The following SKP1 variants were observed in gnomAD, a reference collection of about 807,000 sequenced individuals.
The protein encoded by SKP1 is S-phase kinase-associated protein 1.
A neutral mutation model predicts 21.5 loss-of-function variants in SKP1; 1 was observed. That is an observed-to-expected ratio of 0.05 (90% CI 0.02 to 0.22). The LOEUF is 0.22. Ranked by LOEUF, SKP1 falls within the 10% of genes least tolerant of loss-of-function variation. SKP1 has a pLI of 1.00. For missense variants in SKP1, 70 were observed against 192.0 expected (o/e 0.36, Z 3.76); for synonymous variants, 59 against 59.3 (o/e 0.99, Z 0.03).
At chr5:134,158,434 A>G in intron 5 of SKP1, 21 bp downstream of exon 5, 3 of 1,614,020 alleles carry the variant, frequency 1.9e-6, no homozygotes, top group Non-Finnish European at 2.5e-6. Context: ...GTGATCAAAG[A>G]CAAAACTGTG....
chr5:134,167,126 T>G, intron 3 of SKP1, 44 bp downstream of exon 3: 1 of 947,258 alleles, frequency 1.1e-6, no homozygotes, highest in Non-Finnish European at 1.7e-6. Context: ...TCAATTGGTG[T>G]TATATATTAA....
intron 3 of SKP1, among the ~76,000 whole-genome samples, chr5:134,162,572 A>T (rs1305764400): frequency 1.3e-5 from 2 of 151,140 alleles, no homozygotes; most frequent in Admixed American, 6.6e-5. Context: ...CACCCAGCTA[A>T]TTTTTTTTTA....
At chr5:134,158,684 G>T in intron 4 of SKP1, 89 bp from the exon 5 acceptor site, 1 of 1,093,554 alleles carries the variant, frequency 9.1e-7, no homozygotes, top group Non-Finnish European at 1.4e-6. Context: ...ATCTAATAAA[G>T]CTTAAAATGC....
intron 2 of SKP1, among the ~76,000 whole-genome samples, chr5:134,169,843 T>C (rs933460429): frequency 1.1e-4 from 16 of 152,022 alleles, no homozygotes; most frequent in Admixed American, 9.2e-4. Context: ...CTAATAAAAA[T>C]ACAAAAAACT....
intron 3 of SKP1, among the ~76,000 whole-genome samples, chr5:134,162,634 C>CCA (rs1554109534): frequency 6.6e-6 from 1 of 152,024 alleles, no homozygotes; most frequent in African/African-American, 2.4e-5. Flanking sequence ...TGATCCACCC[C>CCA]CCTTGGCTTC....
intron 1 of SKP1, chr5:134,175,402 G>A (rs1761520789): frequency 6.6e-6 from 1 of 152,204 alleles, no homozygotes; most frequent in Non-Finnish European, 1.5e-5. Flanking sequence ...AATGGAGAAG[G>A]ATGCAGAGTA....
At chr5:134,170,878 C>A in intron 2 of SKP1, 1 of 391,322 alleles carries the variant, frequency 2.6e-6, no homozygotes, top group South Asian at 1.9e-5. Context: ...AGAACACTTT[C>A]AATGCCAAAG....
At position 134,152,643 on chromosome 5, in the gene SKP1, G is replaced by T. The variant is rs1256049198; in HGVS notation, c.*5090C>A. ...TGCAACTTCCGCCTCCCGGGTTCAA[G>T]CGGTTCTCCTGCCTCAGCCTCCCGA... is the stretch of plus-strand genomic sequence containing the variant. On this transcript the variant is annotated 3_prime_UTR_variant, in exon 6 of 6. Coordinates refer to ENST00000353411, the MANE Select transcript of SKP1 (RefSeq NM_170679.3). 1 of 152,246 alleles carries T rather than the reference G, an allele frequency of 6.6e-6. No individual in the cohort carries two copies. The highest frequency in any genetic ancestry group is 6.5e-5 in the Admixed American group (1 of 15,276). The allele number at this position is 152,246 out of a possible 1,614,324, so 9.4% of individuals were successfully genotyped here.
chr5:134,157,849 G>A (rs532000486), intron 5 of SKP1, 81 bp from the exon 6 acceptor site: 85 of 1,610,224 alleles, frequency 5.3e-5, no homozygotes, highest in Middle Eastern at 3.3e-4. Flanking sequence ...CTGATTCATC[G>A]ATAGCCAGTG....
chr5:134,167,879 T>C (rs577012139), intron 2 of SKP1, among the ~76,000 whole-genome samples: 6 of 152,350 alleles, frequency 3.9e-5, no homozygotes, highest in Admixed American at 6.5e-5. Flanking sequence ...ATGCCAATAC[T>C]ACACTGTTTT....
intron 2 of SKP1, among the ~76,000 whole-genome samples, chr5:134,170,284 A>G (rs956882955): frequency 3.3e-5 from 5 of 152,154 alleles, no homozygotes; most frequent in African/African-American, 1.2e-4. Context: ...CTGGTTTTGA[A>G]CTCTTGGGCT....
chr5:134,174,154 TA>T, intron 1 of SKP1, 132 bp from the exon 2 acceptor site: 1 of 642,472 alleles, frequency 1.6e-6, no homozygotes, highest in Non-Finnish European at 2.8e-6. Flanking sequence ...CATAACCCTG[TA>T]AAGCACTGTT....
intron 2 of SKP1, 77 bp from the exon 3 acceptor site, chr5:134,167,320 A>T: frequency 1.1e-6 from 1 of 922,576 alleles, no homozygotes; most frequent in South Asian, 1.4e-5. Context: ...GTCTCAAAAC[A>T]TAAGAGTCAG....
intron 4 of SKP1, among the ~76,000 whole-genome samples, chr5:134,159,547 ATTT>A (rs1166778296): frequency 1.5e-5 from 2 of 134,432 alleles, no homozygotes; most frequent in African/African-American, 2.8e-5. Context: ...CACCCAGCTA[ATTT>A]TTTTTTTTTT....
Position 134,151,380 on chromosome 5 carries a change from A to G in SKP1, c.*6353T>C, listed in dbSNP as rs1015280968. On this transcript the variant is annotated 3_prime_UTR_variant, in exon 6 of 6. Transcript: ENST00000353411. Reference sequence around the variant, plus strand: ...CTGCTTGAGTACTTGAGGATAGAGTACAGCTTCTCTATTTTCCCACCCCTT... The same window carrying G: ...CTGCTTGAGTACTTGAGGATAGAGTGCAGCTTCTCTATTTTCCCACCCCTT... 2.3e-5 allele frequency: 5 copies of G among 214,486 alleles called. No individual in the cohort carries two copies. Among genetic ancestry groups the G allele is most frequent in the Non-Finnish European group, 4.9e-5 (5 of 101,780 alleles). 13.3% of individuals were successfully genotyped at this position (214,486 alleles called of 1,614,324 possible).
In SKP1 at chr5:134,163,212, C is replaced by CAAAAAAAAAAAA. The variant is rs747546593; in HGVS notation, c.172-2094_172-2083dup. On this transcript the variant is annotated intron_variant, in intron 3 of 5. Transcript: ENST00000353411. ...CCTGAGCAAGAGAGTGCGATTCTGTCAAAAAAAAAAAAAAAAAATCACTAT... is the reference window on the plus strand; with the variant it reads ...CCTGAGCAAGAGAGTGCGATTCTGTCAAAAAAAAAAAAAAAAAAAAAAAAAAAAAATCACTAT... Among the ~76,000 whole-genome samples, 44 of 70,080 alleles carry CAAAAAAAAAAAA rather than the reference C, an allele frequency of 6.3e-4. 3 individuals carry two copies. The highest frequency in any genetic ancestry group is 2.8e-3 in the African/African-American group (41 of 14,490). The allele number at this position is 70,080 out of a possible 152,430, so 46.0% of individuals were successfully genotyped here.
At chr5:134,158,296 A>G in intron 5 of SKP1, 159 bp downstream of exon 5, 3 of 1,516,378 alleles carry the variant, frequency 2.0e-6, no homozygotes, top group South Asian at 1.3e-5. Flanking sequence ...TCAGATTCAT[A>G]AAGACAGAAC....
chr5:134,173,670 G>A, intron 2 of SKP1: 1 of 555,094 alleles, frequency 1.8e-6, no homozygotes, highest in South Asian at 1.6e-5. Context: ...CATTGCCTAA[G>A]GCTTGGCAAT....
chr5:134,152,874 C>T lies in SKP1; in HGVS notation c.*4859G>A, dbSNP rs1204499145. 2.0e-5 allele frequency: 3 copies of T among 152,258 alleles called. No homozygotes were observed. Among genetic ancestry groups the T allele is most frequent in the Admixed American group, 6.5e-5 (1 of 15,272 alleles). 9.4% of individuals were successfully genotyped at this position (152,258 alleles called of 1,614,324 possible). A position where few individuals can be genotyped will look rare whatever the true frequency, so the allele number is the denominator to read the frequency against. On this transcript the variant is annotated 3_prime_UTR_variant, in exon 6 of 6. Transcript: ENST00000353411. ...TTTTATTAGAGTTATCCACTCCCTC[C>T]CAGCAGTATTTATGCCTTCTCTCCT...
Sources: allele counts gnomAD v4.1 joint callset (sites outside exome capture counted in the v4.1 genomes callset), GRCh38; gene constraint gnomAD v4.1.1; transcripts MANE v1.5; gene names NCBI Gene and HGNC (gene_info 2026-07-23, HGNC 2026-07-21).